BTBD9: variants seen among roughly 807,000 people sequenced by gnomAD.
The protein encoded by BTBD9 is BTB/POZ domain-containing protein 9.
Under a neutral mutation model 64.3 loss-of-function variants are expected in BTBD9, and 49 were observed. The observed-to-expected ratio is 0.76, with a 90% CI of 0.61 to 0.97. The LOEUF (loss-of-function observed/expected upper bound fraction) is 0.97, where lower values mean the gene tolerates loss of function less well. Among genes scored for constraint, BTBD9 ranks in the 50% least tolerant of loss-of-function variants. BTBD9 has a pLI of 0.00. For synonymous variants in BTBD9, 260 were observed against 274.7 expected (o/e 0.95, Z 0.53); for missense variants, 598 against 762.1 (o/e 0.78, Z 2.53).
intron 6 of BTBD9, among the ~76,000 whole-genome samples, chr6:38,493,574 G>C (rs2127393255): frequency 6.6e-6 from 1 of 152,194 alleles, no homozygotes; most frequent in South Asian, 2.1e-4. Context: ...CATTCATTTT[G>C]GAATAATAAA....
chr6:38,616,991 C>T (rs902672900), intron 1 of BTBD9, among the ~76,000 whole-genome samples: 4 of 152,184 alleles, frequency 2.6e-5, no homozygotes, highest in Non-Finnish European at 2.9e-5. Context: ...GCGGTGAGTA[C>T]TATCGGACCC....
At chr6:38,328,127 T>C (rs1156234421) in intron 7 of BTBD9, among the ~76,000 whole-genome samples, 1 of 152,212 alleles carries the variant, frequency 6.6e-6, no homozygotes, top group Admixed American at 6.5e-5. Flanking sequence ...ATAGAAAATA[T>C]ATAAATACAG....
chr6:38,307,157 G>A (rs1211336642), intron 7 of BTBD9, among the ~76,000 whole-genome samples: 1 of 152,118 alleles, frequency 6.6e-6, no homozygotes, highest in Non-Finnish European at 1.5e-5. Flanking sequence ...TGCTGATCAG[G>A]CAAGCTTCTA....
intron 7 of BTBD9, among the ~76,000 whole-genome samples, chr6:38,309,350 C>T (rs370276372): frequency 5.1e-4 from 78 of 151,502 alleles, no homozygotes; most frequent in Middle Eastern, 3.4e-3. Context: ...GCCTTGGTGA[C>T]GGAGTGAGAT....
At chr6:38,309,695 A>C (rs1238356960) in intron 7 of BTBD9, among the ~76,000 whole-genome samples, 1 of 151,872 alleles carries the variant, frequency 6.6e-6, no homozygotes, top group Non-Finnish European at 1.5e-5. Flanking sequence ...ACAGGTGTGA[A>C]CCACTGCGCC....
At chr6:38,449,724 G>A (rs1278129574) in intron 6 of BTBD9, among the ~76,000 whole-genome samples, 1 of 151,840 alleles carries the variant, frequency 6.6e-6, no homozygotes, top group Non-Finnish European at 1.5e-5. Flanking sequence ...GGGCAACGTA[G>A]TGAGACCTCA....
intron 4 of BTBD9, among the ~76,000 whole-genome samples, chr6:38,588,900 G>C (rs1776665706): frequency 6.6e-6 from 1 of 152,116 alleles, no homozygotes; most frequent in African/African-American, 2.4e-5. Context: ...AATACGACTA[G>C]ATGTCATGTA....
At position 38,468,921 on chromosome 6, in the gene BTBD9, C is replaced by T. The variant is rs892870021; in HGVS notation, c.1154+108679G>A. On this transcript the variant is annotated intron_variant, in intron 6 of 10. Transcript: ENST00000481247. ...CTCACTCCCCATCCAAAATATTTAACTTTGACTATGTAGGGAAAATCCCCA... is the reference window on the plus strand; with the variant it reads ...CTCACTCCCCATCCAAAATATTTAATTTTGACTATGTAGGGAAAATCCCCA... 3.9e-5 allele frequency among the ~76,000 whole-genome samples: 6 copies of T among 152,186 alleles called. 1 individual carries two copies. Among genetic ancestry groups the T allele is most frequent in the Non-Finnish European group, 5.9e-5 (4 of 68,024 alleles).
intron 6 of BTBD9, among the ~76,000 whole-genome samples, chr6:38,417,257 T>C (rs553926197): frequency 6.6e-6 from 1 of 152,336 alleles, no homozygotes; most frequent in East Asian, 1.9e-4. Flanking sequence ...CCTCTTCTAT[T>C]TGTAAAGGCA....
At chr6:38,353,650 CT>C (rs1490104380) in intron 6 of BTBD9, among the ~76,000 whole-genome samples, 2 of 152,180 alleles carry the variant, frequency 1.3e-5, no homozygotes, top group Non-Finnish European at 2.9e-5. Flanking sequence ...TTTTTCACTA[CT>C]TTTCCCCTAG....
chr6:38,305,047 A>G (rs907428567), intron 7 of BTBD9, among the ~76,000 whole-genome samples: 9 of 152,114 alleles, frequency 5.9e-5, no homozygotes, highest in Non-Finnish European at 1.3e-4. Flanking sequence ...TAGGCGCTCA[A>G]TAAATATTTG....
intron 10 of BTBD9, among the ~76,000 whole-genome samples, chr6:38,183,019 G>A (rs1024812455): frequency 9.5e-5 from 14 of 147,026 alleles, no homozygotes; most frequent in South Asian, 4.3e-4. Context: ...TTGCTCTGTC[G>A]CCCAGGCTGG....
intron 6 of BTBD9, among the ~76,000 whole-genome samples, chr6:38,503,538 G>A (rs1772312381): frequency 6.6e-6 from 1 of 152,010 alleles, no homozygotes; most frequent in African/African-American, 2.4e-5. Context: ...CCAGGAGATA[G>A]AGGAGGCAGC....
chr6:38,256,344 C>G, intron 9 of BTBD9, 65 bp downstream of exon 9: 3 of 1,188,462 alleles, frequency 2.5e-6, no homozygotes, highest in Non-Finnish European at 3.7e-6. Flanking sequence ...TTCTTTTGAG[C>G]CTCCCAATCC....
intron 9 of BTBD9, among the ~76,000 whole-genome samples, chr6:38,205,091 A>T (rs1235020490): frequency 6.6e-6 from 1 of 152,176 alleles, no homozygotes; most frequent in Non-Finnish European, 1.5e-5. Flanking sequence ...AGAAGAATCA[A>T]ATGAGGAATT....
chr6:38,212,467 G>GT (rs1217141511), intron 9 of BTBD9, among the ~76,000 whole-genome samples: 1 of 152,210 alleles, frequency 6.6e-6, no homozygotes, highest in Admixed American at 6.5e-5. Flanking sequence ...TTTGCTCCCT[G>GT]TTGCTCAGAA....
intron 6 of BTBD9, among the ~76,000 whole-genome samples, chr6:38,509,068 T>C (rs1486610601): frequency 1.3e-5 from 2 of 152,226 alleles, no homozygotes; most frequent in Non-Finnish European, 2.9e-5. Flanking sequence ...GTATAGCTAA[T>C]GCACAGCCAG....
intron 9 of BTBD9, among the ~76,000 whole-genome samples, chr6:38,195,149 G>A (rs2127488044): frequency 6.6e-6 from 1 of 152,270 alleles, no homozygotes; most frequent in South Asian, 2.1e-4. Context: ...AGAATAACTT[G>A]CCATGTTGCT....
Position 38,477,542 on chromosome 6 carries a change from GC to G in BTBD9, c.1154+100057del, listed in dbSNP as rs1263077906. On this transcript the variant is annotated intron_variant, in intron 6 of 10. Transcript: ENST00000481247. ...TTATCTGAAATGCTTCTAATCCTGT[GC>G]TTTGTATTTATATCCATACCTTTTA... 2.0e-5 allele frequency among the ~76,000 whole-genome samples: 3 copies of G among 152,202 alleles called. No individual in the cohort carries two copies. The East Asian group carries it at 5.8e-4, about 29-fold the overall frequency.
Sources: gnomAD v4.1 joint callset for allele counts (sites outside exome capture counted in the v4.1 genomes callset) on GRCh38, gnomAD v4.1.1 for gene constraint, MANE v1.5 for transcripts, NCBI Gene and HGNC (gene_info 2026-07-23, HGNC 2026-07-21) for gene names.